Variants in TRPM3 observed in about 807,000 individuals in gnomAD.
TRPM3 encodes the protein transient receptor potential cation channel subfamily M member 3.
In TRPM3, 77 loss-of-function variants were observed where a neutral mutation model predicts 181.2. That is an observed-to-expected ratio of 0.42 (90% CI 0.35 to 0.51). The LOEUF (loss-of-function observed/expected upper bound fraction) is 0.51, where lower values mean the gene tolerates loss of function less well. TRPM3 is among the 20% of genes least tolerant of loss of function. The pLI, the probability that TRPM3 is intolerant of heterozygous loss-of-function variation, is 0.01. For missense variants in TRPM3, 1,759 were observed against 2,196.7 expected (o/e 0.80, Z 3.98); for synonymous variants, 745 against 796.4 (o/e 0.94, Z 1.09).
chr9:70,597,006 C>T (rs1056992940), intron 21 of TRPM3, among the ~76,000 whole-genome samples: 13 of 152,136 alleles, frequency 8.5e-5, no homozygotes, highest in Non-Finnish European at 1.8e-4. Flanking sequence ...GTGATCTTGG[C>T]TCACCGCAAC....
At chr9:71,248,883 G>A (rs1163274158) in intron 1 of TRPM3, among the ~76,000 whole-genome samples, 3 of 152,222 alleles carry the variant, frequency 2.0e-5, no homozygotes, top group South Asian at 2.1e-4. Context: ...AAAACGTAAC[G>A]ACAAGCCACT....
intron 1 of TRPM3, among the ~76,000 whole-genome samples, chr9:71,263,263 T>G (rs2083183086): frequency 6.6e-6 from 1 of 152,220 alleles, no homozygotes; most frequent in Admixed American, 6.5e-5. Flanking sequence ...TTTTTAAACG[T>G]TTAACATGTC....
chr9:70,879,029 T>A (rs763704428), intron 1 of TRPM3, among the ~76,000 whole-genome samples: 1 of 152,250 alleles, frequency 6.6e-6, no homozygotes, highest in African/African-American at 2.4e-5. Context: ...ATTATTTTCA[T>A]GTATTAACTA....
chr9:70,559,927 C>T (rs2048657371), intron 22 of TRPM3, among the ~76,000 whole-genome samples: 1 of 152,142 alleles, frequency 6.6e-6, no homozygotes, highest in African/African-American at 2.4e-5. Context: ...ACATCCTGGA[C>T]CTGAGGACCC....
chr9:70,983,301 C>T (rs1476880601), intron 1 of TRPM3, among the ~76,000 whole-genome samples: 1 of 152,116 alleles, frequency 6.6e-6, no homozygotes, highest in African/African-American at 2.4e-5. Context: ...TCTCCAGGAT[C>T]AGTTCTAATA....
intron 1 of TRPM3, among the ~76,000 whole-genome samples, chr9:71,024,929 A>C (rs2097881585): frequency 6.6e-6 from 1 of 152,190 alleles, no homozygotes; most frequent in Non-Finnish European, 1.5e-5. Context: ...GGAGCACAGT[A>C]GTGTGTAGGT....
At chr9:71,157,076 G>A (rs985505862) in intron 1 of TRPM3, among the ~76,000 whole-genome samples, 7 of 152,054 alleles carry the variant, frequency 4.6e-5, no homozygotes, top group Non-Finnish European at 1.0e-4. Flanking sequence ...GATGAGTAAC[G>A]GCTTCCCTGA....
At chr9:71,111,581 G>C (rs1456004008) in intron 1 of TRPM3, among the ~76,000 whole-genome samples, 2 of 152,124 alleles carry the variant, frequency 1.3e-5, no homozygotes, top group African/African-American at 2.4e-5. Context: ...GACTTATTAA[G>C]CCCCAAATGT....
rs148028062 is a variant in TRPM3 at position 70,947,220 on chromosome 9, G to C, written c.178-82709C>G. Among the ~76,000 whole-genome samples the C allele has an allele frequency of 4.5e-3, 691 of 152,218 alleles. 3 individuals carry two copies. Among genetic ancestry groups the C allele is most frequent in the Middle Eastern group, 0.014 (4 of 294 alleles). ...TTATCTTTTTCATTGCAGTTATTCT[G>C]GTGGCTGCAGAGTTTCATCTCATTG... On this transcript the variant is annotated intron_variant, in intron 1 of 25. Transcript: ENST00000677713.
intron 1 of TRPM3, among the ~76,000 whole-genome samples, chr9:71,019,228 C>T (rs1262037893): frequency 3.3e-5 from 5 of 151,790 alleles, no homozygotes; most frequent in African/African-American, 1.2e-4. Context: ...GTTATCACCA[C>T]TTTTGTTCAA....
chr9:70,986,083 G>A (rs1050661082), intron 1 of TRPM3, among the ~76,000 whole-genome samples: 25 of 152,210 alleles, frequency 1.6e-4, no homozygotes, highest in African/African-American at 5.5e-4. Context: ...TATGTGGCCA[G>A]GCACTGTGGC....
chr9:70,605,619 C>T (rs1002849116), intron 19 of TRPM3, among the ~76,000 whole-genome samples: 2 of 152,144 alleles, frequency 1.3e-5, no homozygotes, highest in African/African-American at 2.4e-5. Context: ...ATATGGTTTC[C>T]GTTTACCATT....
rs757648086 is a variant in TRPM3, at chr9:70,618,859, G to A, written c.2358+8C>T. 4.1e-5 allele frequency: 66 copies of A among 1,602,462 alleles called. No homozygotes were observed. Among genetic ancestry groups the A allele is most frequent in the African/African-American group, 8.0e-5 (6 of 74,920 alleles). Reference sequence around the variant, plus strand: ...CATAGCCAGGAGGGCCTTATTGGGCGCCCTGACCTTGAGGCCTGAGTTCTT... The same window carrying A: ...CATAGCCAGGAGGGCCTTATTGGGCACCCTGACCTTGAGGCCTGAGTTCTT... On this transcript the variant is annotated splice_region_variant and intron_variant, in intron 17 of 25. Coordinates refer to ENST00000677713, the MANE Select transcript of TRPM3 (RefSeq NM_001366145.2).
chr9:71,048,907 A>T (rs1411246184), intron 1 of TRPM3, among the ~76,000 whole-genome samples: 2 of 152,182 alleles, frequency 1.3e-5, no homozygotes, highest in Non-Finnish European at 2.9e-5. Flanking sequence ...AAGGGACATG[A>T]TTTCTCATGA....
At position 71,259,030 on chromosome 9, in the gene TRPM3, G is replaced by A. The variant is rs2082859901; in HGVS notation, c.183+187623C>T. Among the ~76,000 whole-genome samples the A allele has an allele frequency of 2.6e-5, 4 of 152,194 alleles. No homozygotes were observed. The South Asian group carries it at 8.3e-4, about 32-fold the overall frequency. ...ATCTACATTAGGTATTTCTCCTAAT[G>A]CTATCCCTCCCCTAGTCCCCCATCC... On this transcript the variant is annotated intron_variant, in intron 1 of 24. Coordinates refer to the TRPM3 transcript ENST00000357533.
chr9:71,052,378 G>A (rs2060153741), intron 1 of TRPM3, among the ~76,000 whole-genome samples: 1 of 152,118 alleles, frequency 6.6e-6, no homozygotes. Flanking sequence ...TGGGTTTTGA[G>A]TACCAGTTCT....
chr9:70,867,431 C>G (rs1377733767), intron 1 of TRPM3, among the ~76,000 whole-genome samples: 2 of 152,000 alleles, frequency 1.3e-5, no homozygotes, highest in Non-Finnish European at 2.9e-5. Context: ...AGCTAGTTAG[C>G]GTTTCAGTAA....
intron 1 of TRPM3, among the ~76,000 whole-genome samples, chr9:71,330,850 A>C (rs531942598): frequency 8.6e-5 from 13 of 151,886 alleles, no homozygotes; most frequent in African/African-American, 3.1e-4. Context: ...AGGGAACCAC[A>C]GTCTTTCCTG....
chr9:71,424,582 ATTCTG>A (rs1378150807), intron 1 of TRPM3, among the ~76,000 whole-genome samples: 1 of 152,120 alleles, frequency 6.6e-6, no homozygotes. Flanking sequence ...GTTTCCTCTT[ATTCTG>A]AATGAGTCCC....
Sources: gnomAD v4.1 joint callset for allele counts (sites outside exome capture counted in the v4.1 genomes callset) on GRCh38, gnomAD v4.1.1 for gene constraint, MANE v1.5 for transcripts, NCBI Gene and HGNC (gene_info 2026-07-23, HGNC 2026-07-21) for gene names.